The following COBL variants were observed in gnomAD, a reference collection of about 807,000 sequenced individuals.
The protein encoded by COBL is protein cordon-bleu.
A neutral mutation model predicts 98.8 loss-of-function variants in COBL; 51 were observed. That is an observed-to-expected ratio of 0.52 (90% CI 0.41 to 0.65). COBL has a LOEUF of 0.65. COBL is among the 30% of genes least tolerant of loss of function. The pLI is 0.00. For missense variants in COBL, 1,617 were observed against 1,617.5 expected (o/e 1.00, Z 0.01); for synonymous variants, 634 against 651.7 (o/e 0.97, Z 0.41).
chr7:51,216,504 T>C (rs1017240169), intron 2 of COBL, among the ~76,000 whole-genome samples: 16 of 152,220 alleles, frequency 1.1e-4, no homozygotes. Flanking sequence ...TCAATTAAAA[T>C]GATGGGATTG....
chr7:51,248,750 A>G (rs1017670059), intron 1 of COBL, among the ~76,000 whole-genome samples: 1 of 152,212 alleles, frequency 6.6e-6, no homozygotes, highest in African/African-American at 2.4e-5. Context: ...ATATTTTAAC[A>G]ACAAAATTTT....
chr7:51,184,912 C>T (rs945028685), intron 4 of COBL, among the ~76,000 whole-genome samples: 2 of 152,198 alleles, frequency 1.3e-5, no homozygotes, highest in Admixed American at 6.5e-5. Context: ...GCTATGGGCT[C>T]CCCAGGTGGT....
chr7:51,205,886 T>C (rs1267138768), intron 2 of COBL, among the ~76,000 whole-genome samples: 2 of 152,150 alleles, frequency 1.3e-5, no homozygotes. Context: ...TCCCTTAAAA[T>C]GGGCCAAGGA....
intron 5 of COBL, among the ~76,000 whole-genome samples, chr7:51,144,145 G>T (rs1784809089): frequency 6.6e-6 from 1 of 152,202 alleles, no homozygotes; most frequent in African/African-American, 2.4e-5. Context: ...ACACCTGCCA[G>T]GTGCAAAGAG....
At chr7:51,080,993 TA>T (rs1300668004) in intron 7 of COBL, among the ~76,000 whole-genome samples, 2 of 152,168 alleles carry the variant, frequency 1.3e-5, no homozygotes, top group Non-Finnish European at 2.9e-5. Flanking sequence ...TCCTAGTTTG[TA>T]AAGCCATAAA....
intron 1 of COBL, among the ~76,000 whole-genome samples, chr7:51,228,619 T>TA (rs1326278343): frequency 6.6e-6 from 1 of 152,102 alleles, no homozygotes; most frequent in Admixed American, 6.5e-5. Context: ...CTCTAAGACA[T>TA]AATAACAAAA....
At chr7:51,207,021 C>A (rs552559392) in intron 2 of COBL, among the ~76,000 whole-genome samples, 1 of 152,148 alleles carries the variant, frequency 6.6e-6, no homozygotes, top group Non-Finnish European at 1.5e-5. Flanking sequence ...AGTGTTCTCA[C>A]TACACACACA....
chr7:51,220,065 T>C (rs1029965576), intron 1 of COBL, 121 bp from the exon 2 acceptor site: 5 of 838,118 alleles, frequency 6.0e-6, no homozygotes, highest in Non-Finnish European at 5.5e-6. Context: ...GCCACGGCCT[T>C]TTTAAAATCA....
intron 1 of COBL, among the ~76,000 whole-genome samples, chr7:51,230,789 C>T (rs905611733): frequency 1.3e-5 from 2 of 152,242 alleles, no homozygotes; most frequent in African/African-American, 2.4e-5. Flanking sequence ...CACCCCTCAT[C>T]GCCCACATCG....
intron 1 of COBL, among the ~76,000 whole-genome samples, chr7:51,240,300 A>T (rs4948206): frequency 1.5e-4 from 23 of 152,142 alleles, no homozygotes; most frequent in Admixed American, 9.2e-4. Flanking sequence ...GTATTCATAC[A>T]CTTAATCCAG....
intron 7 of COBL, among the ~76,000 whole-genome samples, chr7:51,068,495 C>T (rs540466775): frequency 5.3e-5 from 8 of 152,272 alleles, no homozygotes; most frequent in African/African-American, 1.4e-4. Context: ...CTTTCCCATT[C>T]GATGTACAGT....
chr7:51,041,718 A>C (rs1190176661), intron 8 of COBL, among the ~76,000 whole-genome samples: 2 of 151,998 alleles, frequency 1.3e-5, no homozygotes, highest in African/African-American at 4.8e-5. Flanking sequence ...TCCTGACCTC[A>C]GGTGATCCGC....
chr7:51,112,663 G>C (rs1325103363), intron 6 of COBL, among the ~76,000 whole-genome samples: 1 of 152,078 alleles, frequency 6.6e-6, no homozygotes, highest in Non-Finnish European at 1.5e-5. Context: ...TGCACCTTTG[G>C]GTCTCATCAG....
chr7:51,017,669 G>T, intron 12 of COBL, 101 bp from the exon 13 acceptor site: 1 of 1,244,888 alleles, frequency 8.0e-7, no homozygotes, highest in Non-Finnish European at 1.2e-6. Flanking sequence ...TCTTGCAATA[G>T]TACTCCTGGA....
chr7:51,095,691 G>A (rs186128210), intron 6 of COBL, among the ~76,000 whole-genome samples: 1 of 152,002 alleles, frequency 6.6e-6, no homozygotes, highest in South Asian at 2.1e-4. Flanking sequence ...AGTAAAAGGA[G>A]GGAAAAAGAT....
chr7:51,190,832 G>T lies in COBL; in HGVS notation c.685+18C>A. ...CGTGTGATTATGGGCAGGTGCGTGA[G>T]ACGCAGCGGGGCCTCACCTCTTCTG... is the stretch of plus-strand genomic sequence containing the variant. On this transcript the variant is annotated intron_variant, in intron 4 of 12. Transcript: ENST00000265136. 1 of 1,605,296 alleles carries T rather than the reference G, an allele frequency of 6.2e-7. No homozygotes were observed. Among genetic ancestry groups the T allele is most frequent in the Non-Finnish European group, 8.5e-7 (1 of 1,172,748 alleles).
chr7:51,122,125 G>A (rs1288861591), intron 6 of COBL, among the ~76,000 whole-genome samples: 3 of 152,188 alleles, frequency 2.0e-5, no homozygotes, highest in African/African-American at 7.2e-5. Context: ...ACTCTAGTGA[G>A]TGTTAAAAAT....
intron 5 of COBL, among the ~76,000 whole-genome samples, chr7:51,147,997 C>G (rs529348760): frequency 6.6e-6 from 1 of 152,176 alleles, no homozygotes; most frequent in Admixed American, 6.5e-5. Context: ...CTCCGGATCT[C>G]GTGATCCGCC....
chr7:51,217,503 G>A (rs1793183895), intron 2 of COBL, among the ~76,000 whole-genome samples: 2 of 151,752 alleles, frequency 1.3e-5, no homozygotes, highest in Non-Finnish European at 2.9e-5. Context: ...CACCACGCCT[G>A]GCTAATTTTT....
Sources: gnomAD v4.1 joint callset for allele counts (sites outside exome capture counted in the v4.1 genomes callset) on GRCh38, gnomAD v4.1.1 for gene constraint, MANE v1.5 for transcripts, NCBI Gene and HGNC (gene_info 2026-07-23, HGNC 2026-07-21) for gene names.